ZNF735: variants seen among roughly 807,000 people sequenced by gnomAD.
ZNF735 encodes the protein zinc finger protein 735, also known as putative zinc finger protein 735.
In ZNF735, 11 loss-of-function variants were observed where a neutral mutation model predicts 13.4. The observed-to-expected ratio is 0.82, with a 90% CI of 0.52 to 1.36. ZNF735 has a LOEUF of 1.36. ZNF735 is among the 40% of genes most tolerant of loss of function. The probability of loss-of-function intolerance (pLI) is 0.00; values close to 1 mark genes in which losing one functional copy is unlikely to be tolerated. For synonymous variants in ZNF735, 171 were observed against 162.6 expected (o/e 1.05, Z -0.39); for missense variants, 500 against 484.6 (o/e 1.03, Z -0.30).
At chr7:64,213,139 G>C (rs773044727) in exon 2 of ZNF735, 1 of 1,612,868 alleles carries the variant, frequency 6.2e-7, no homozygotes, top group African/African-American at 1.3e-5. Flanking sequence ...CTCTGGCGGA[G>C]TGGCAATGCC....
intron 3 of ZNF735, among the ~76,000 whole-genome samples, chr7:64,215,294 G>A (rs760030479): frequency 4.1e-4 from 63 of 152,198 alleles, no homozygotes; most frequent in Non-Finnish European, 7.8e-4. Flanking sequence ...CTGACCTCAG[G>A]TGATCTGCCC....
chr7:64,217,872 T>C (rs1435177778), intron 3 of ZNF735, among the ~76,000 whole-genome samples: 2 of 152,146 alleles, frequency 1.3e-5, no homozygotes, highest in East Asian at 1.9e-4. Flanking sequence ...ACCCTGTGCT[T>C]CTTACTGATC....
At chr7:64,216,220 C>A (rs1025907712) in intron 3 of ZNF735, among the ~76,000 whole-genome samples, 25 of 151,686 alleles carry the variant, frequency 1.6e-4, no homozygotes, top group Middle Eastern at 6.8e-3. Context: ...GGCATGAACC[C>A]AGGAGGTGGC....
At chr7:64,207,932 A>G (rs1003578659) in intron 1 of ZNF735, among the ~76,000 whole-genome samples, 1 of 151,966 alleles carries the variant, frequency 6.6e-6, no homozygotes, top group Non-Finnish European at 1.5e-5. Flanking sequence ...GGTTGCAGTG[A>G]GCCGAGATCG....
chr7:64,217,108 C>A (rs1787431323), intron 3 of ZNF735, among the ~76,000 whole-genome samples: 2 of 152,140 alleles, frequency 1.3e-5, no homozygotes, highest in African/African-American at 4.8e-5. Flanking sequence ...CTAATGAGAG[C>A]TGTTTGCATC....
intron 1 of ZNF735, among the ~76,000 whole-genome samples, chr7:64,211,389 G>C (rs1258455668): frequency 6.6e-6 from 1 of 152,040 alleles, no homozygotes; most frequent in Admixed American, 6.6e-5. Context: ...TGCAGAACAG[G>C]GTTTAGAAAA....
exon 4 of ZNF735, chr7:64,220,069 C>T (rs773691392): frequency 6.2e-7 from 1 of 1,613,422 alleles, no homozygotes; most frequent in South Asian, 1.1e-5. Flanking sequence ...CTCCTCGACT[C>T]TTAAGACACA....
At chr7:64,213,762 C>A (rs1457248107) in intron 2 of ZNF735, among the ~76,000 whole-genome samples, 2 of 152,014 alleles carry the variant, frequency 1.3e-5, no homozygotes, top group Non-Finnish European at 2.9e-5. Context: ...AGTTCGAGAC[C>A]AGCCTGGCTA....
At position 64,220,021 on chromosome 7, in the gene ZNF735, C is replaced by T. The variant is rs752308032; in HGVS notation, c.970C>T (p.Pro324Ser). 3 of 1,612,302 alleles carry T rather than the reference C, an allele frequency of 1.9e-6. No homozygotes were observed. The East Asian group carries it at 6.7e-5, about 36-fold the overall frequency. ...CAAGAGAATTCATACTGGAGAGAAA[C>T]CCTACACATGTGAAGAATGTGGCAA... is the stretch of plus-strand genomic sequence containing the variant. Residue 324 changes from proline (P) to serine (S), a missense_variant, in exon 4 of 4, where the codon CCC becomes TCC. Physicochemically the swap from Pro to Ser is moderately conservative, Grantham distance 74. Transcript: ENST00000429565.
chr7:64,219,340 C>A (rs1486019989), exon 4 of ZNF735: 2 of 1,613,052 alleles, frequency 1.2e-6, no homozygotes, highest in Non-Finnish European at 1.7e-6. Flanking sequence ...CAACCAAGAC[C>A]TTCAGCCAGA....
chr7:64,219,645 A>C (rs1242290089), exon 4 of ZNF735: 1 of 1,581,100 alleles, frequency 6.3e-7, no homozygotes, highest in African/African-American at 1.3e-5. Context: ...GCATGTTTTC[A>C]CACCTAAATC....
intron 1 of ZNF735, among the ~76,000 whole-genome samples, chr7:64,210,914 A>C (rs568470538): frequency 6.6e-6 from 1 of 152,300 alleles, no homozygotes; most frequent in African/African-American, 2.4e-5. Flanking sequence ...AGAGCATCTT[A>C]CCTGAAAATA....
At chr7:64,213,408 C>T (rs1005399456) in intron 2 of ZNF735, among the ~76,000 whole-genome samples, 190 bp downstream of exon 2, 2 of 152,102 alleles carry the variant, frequency 1.3e-5, no homozygotes, top group African/African-American at 4.8e-5. Context: ...CTTTCCTGAG[C>T]TTATGTATCT....
Position 64,216,275 on chromosome 7 carries a change from A to G in ZNF735, c.262+2167A>G, listed in dbSNP as rs569405966. Reference sequence around the variant, plus strand: ...CGCACCACTTCACTCCAGCCTGAGCAACAGAGTGAGACTCCATCTCAAAAA... The same window carrying G: ...CGCACCACTTCACTCCAGCCTGAGCGACAGAGTGAGACTCCATCTCAAAAA... On this transcript the variant is annotated intron_variant, in intron 3 of 3. Transcript: ENST00000429565. Among the ~76,000 whole-genome samples, 16 of 151,534 alleles carry G rather than the reference A, an allele frequency of 1.1e-4. No homozygotes were observed. In the East Asian group the frequency reaches 2.1e-3, roughly 20 times the overall value.
At chr7:64,207,988 A>G (rs1787309697) in intron 1 of ZNF735, among the ~76,000 whole-genome samples, 2 of 149,512 alleles carry the variant, frequency 1.3e-5, no homozygotes, top group Non-Finnish European at 3.0e-5. Context: ...CTCCACCTCA[A>G]AAAAAAAAAG....
At chr7:64,212,199 G>T (rs1403006712) in intron 1 of ZNF735, among the ~76,000 whole-genome samples, 1 of 152,062 alleles carries the variant, frequency 6.6e-6, no homozygotes. Flanking sequence ...GCATATATTT[G>T]TCTTTTAAAG....
At chr7:64,213,711 A>G (rs1225097063) in intron 2 of ZNF735, among the ~76,000 whole-genome samples, 3 of 152,180 alleles carry the variant, frequency 2.0e-5, no homozygotes, top group Non-Finnish European at 4.4e-5. Context: ...CTGTAATCCC[A>G]GCACGTTGGG....
exon 4 of ZNF735, chr7:64,219,991 T>C: frequency 8.7e-6 from 14 of 1,610,008 alleles, no homozygotes; most frequent in Non-Finnish European, 1.0e-5. Flanking sequence ...AGCCCTCATT[T>C]ACCACAAGAG....
rs113133873 is a variant in ZNF735 at position 64,213,225 on chromosome 7, T to G, written c.166+7T>G. Reference sequence around the variant, plus strand: ...AGAAACCTGTTCTCCCTGGGTGAGGTTAACCTCAATACATAATTCCTAATA... The same window carrying G: ...AGAAACCTGTTCTCCCTGGGTGAGGGTAACCTCAATACATAATTCCTAATA... On this transcript the variant is annotated splice_region_variant and intron_variant, in intron 2 of 3. Transcript: ENST00000429565. 55,912 of 1,588,542 alleles carry G rather than the reference T, an allele frequency of 0.035. 1,647 individuals carry two copies. Among genetic ancestry groups the G allele is most frequent in the East Asian group, 0.17 (7,543 of 44,650 alleles).
Sources: allele counts gnomAD v4.1 joint callset (sites outside exome capture counted in the v4.1 genomes callset), GRCh38; gene constraint gnomAD v4.1.1; transcripts MANE v1.5; gene names NCBI Gene and HGNC (gene_info 2026-07-23, HGNC 2026-07-21).